The following KCNB2 variants were observed in gnomAD, a reference collection of about 807,000 sequenced individuals.
The protein encoded by KCNB2 is potassium voltage-gated channel subfamily B member 2.
KCNB2 carries 15 observed loss-of-function variants against 61.5 expected under a neutral mutation model. The ratio of observed to expected loss-of-function variants is 0.24; its 90% CI spans 0.16 to 0.38. The LOEUF is 0.38. KCNB2 is among the 10% of genes least tolerant of loss of function. KCNB2 has a pLI of 1.00. For synonymous variants in KCNB2, 457 were observed against 446.0 expected (o/e 1.02, Z -0.31); for missense variants, 828 against 1,125.2 (o/e 0.74, Z 3.78).
intron 2 of KCNB2, among the ~76,000 whole-genome samples, chr8:72,754,047 T>C (rs1318230015): frequency 6.6e-6 from 1 of 152,128 alleles, no homozygotes; most frequent in Non-Finnish European, 1.5e-5. Flanking sequence ...CAAAGACAGA[T>C]TGGCTCCTGG....
At chr8:72,858,341 G>A (rs2129003832) in intron 2 of KCNB2, among the ~76,000 whole-genome samples, 1 of 152,132 alleles carries the variant, frequency 6.6e-6, no homozygotes, top group South Asian at 2.1e-4. Flanking sequence ...TTCAAGATAT[G>A]TCTTTAGAGG....
intron 2 of KCNB2, among the ~76,000 whole-genome samples, chr8:72,928,097 A>G (rs529796549): frequency 7.9e-5 from 12 of 152,264 alleles, no homozygotes; most frequent in Non-Finnish European, 1.6e-4. Context: ...AGTATTCAAA[A>G]TCTGTTTTTT....
intron 2 of KCNB2, among the ~76,000 whole-genome samples, chr8:72,884,607 A>G (rs1805771737): frequency 6.6e-6 from 1 of 152,158 alleles, no homozygotes; most frequent in African/African-American, 2.4e-5. Flanking sequence ...TAAATCATTG[A>G]TCCCTCTGGA....
At chr8:72,754,913 G>T (rs574812386) in intron 2 of KCNB2, among the ~76,000 whole-genome samples, 1 of 152,190 alleles carries the variant, frequency 6.6e-6, no homozygotes, top group South Asian at 2.1e-4. Context: ...TCCTTCCAAA[G>T]AGTGCACTAT....
intron 2 of KCNB2, among the ~76,000 whole-genome samples, chr8:72,932,398 A>C (rs529988949): frequency 1.3e-5 from 2 of 152,122 alleles, no homozygotes; most frequent in African/African-American, 4.8e-5. Context: ...CCTAATCTAA[A>C]TGGGTCCAGG....
At chr8:72,574,279 G>A (rs987238421) in intron 2 of KCNB2, among the ~76,000 whole-genome samples, 6 of 152,156 alleles carry the variant, frequency 3.9e-5, no homozygotes, top group Non-Finnish European at 7.3e-5. Context: ...TGTTCAGTTG[G>A]CCATGTTTGA....
intron 2 of KCNB2, among the ~76,000 whole-genome samples, chr8:72,901,617 C>G (rs532992291): frequency 3.3e-5 from 5 of 152,080 alleles, no homozygotes; most frequent in African/African-American, 1.2e-4. Context: ...AGTTTATGGT[C>G]CTGAAAAACA....
At chr8:72,736,325 A>G (rs896917772) in intron 2 of KCNB2, among the ~76,000 whole-genome samples, 3 of 152,062 alleles carry the variant, frequency 2.0e-5, no homozygotes, top group African/African-American at 7.2e-5. Flanking sequence ...TTTGGATATG[A>G]GGTTGTGGAC....
chr8:72,750,945 C>T (rs939395093), intron 2 of KCNB2: 4 of 152,006 alleles, frequency 2.6e-5, no homozygotes, highest in African/African-American at 9.7e-5. Flanking sequence ...CGCATTTCTG[C>T]TTGTAAAATT....
At chr8:72,925,149 A>G (rs1169647573) in intron 2 of KCNB2, among the ~76,000 whole-genome samples, 2 of 152,204 alleles carry the variant, frequency 1.3e-5, no homozygotes, top group African/African-American at 2.4e-5. Flanking sequence ...CTGCTGGGAC[A>G]TGGTCTTTAG....
At chr8:72,563,352 A>G (rs1806566299) in intron 1 of KCNB2, among the ~76,000 whole-genome samples, 1 of 152,144 alleles carries the variant, frequency 6.6e-6, no homozygotes. Context: ...ATTGAGGGCA[A>G]TGTGGAACTG....
chr8:72,804,401 T>C (rs896582777), intron 2 of KCNB2, among the ~76,000 whole-genome samples: 1 of 152,030 alleles, frequency 6.6e-6, no homozygotes, highest in African/African-American at 2.4e-5. Context: ...CATCAGGATA[T>C]GAAAACTGCT....
chr8:72,638,198 T>C (rs2128985477), intron 2 of KCNB2, among the ~76,000 whole-genome samples: 1 of 152,242 alleles, frequency 6.6e-6, no homozygotes, highest in Admixed American at 6.5e-5. Context: ...TCATTTAAGA[T>C]CCTATGACCT....
intron 2 of KCNB2, among the ~76,000 whole-genome samples, chr8:72,791,793 C>A (rs964672994): frequency 4.6e-5 from 7 of 152,054 alleles, no homozygotes; most frequent in Admixed American, 4.6e-4. Flanking sequence ...CCAGAGGCCC[C>A]AAAACTGATC....
chr8:72,740,284 TC>T (rs1807927598), intron 2 of KCNB2, among the ~76,000 whole-genome samples: 1 of 152,152 alleles, frequency 6.6e-6, no homozygotes, highest in African/African-American at 2.4e-5. Flanking sequence ...AGGTGATCAT[TC>T]CTGTAACAGA....
At chr8:72,860,226 C>T (rs1165073426) in intron 2 of KCNB2, among the ~76,000 whole-genome samples, 2 of 152,046 alleles carry the variant, frequency 1.3e-5, no homozygotes, top group East Asian at 3.9e-4. Flanking sequence ...CATATGGCAC[C>T]TTCTGTTTCA....
intron 2 of KCNB2, among the ~76,000 whole-genome samples, chr8:72,572,147 G>T (rs1238830983): frequency 6.6e-6 from 1 of 152,122 alleles, no homozygotes; most frequent in East Asian, 1.9e-4. Flanking sequence ...CCCACACTTT[G>T]GATGTCTTAA....
intron 2 of KCNB2, among the ~76,000 whole-genome samples, chr8:72,907,784 T>C (rs1321518626): frequency 6.6e-6 from 1 of 152,166 alleles, no homozygotes; most frequent in Non-Finnish European, 1.5e-5. Context: ...GAAGGTGGCC[T>C]CCCTACTGTC....
intron 1 of KCNB2, among the ~76,000 whole-genome samples, chr8:72,565,662 A>ACAACAC (rs397762737): frequency 5.4e-5 from 8 of 147,850 alleles, no homozygotes; most frequent in Non-Finnish European, 4.5e-5. Flanking sequence ...ACACACACAC[A>ACAACAC]ACACACACAC....
Sources: gnomAD v4.1 joint callset for allele counts (sites outside exome capture counted in the v4.1 genomes callset) on GRCh38, gnomAD v4.1.1 for gene constraint, MANE v1.5 for transcripts, NCBI Gene and HGNC (gene_info 2026-07-23, HGNC 2026-07-21) for gene names.